Variants in PVT1 observed in about 807,000 individuals in gnomAD.
PVT1 encodes the protein Pvt1 oncogene.
chr8:127,887,831 A>G (rs979180350), intron 2 of PVT1, among the ~76,000 whole-genome samples: 3 of 151,746 alleles, frequency 2.0e-5, no homozygotes, highest in Non-Finnish European at 4.4e-5. Context: ...CTTGGCCTAG[A>G]AACACTGTCT....
intron 4 of PVT1, among the ~76,000 whole-genome samples, chr8:128,007,538 T>G (rs1020918668): frequency 1.5e-4 from 23 of 152,160 alleles, no homozygotes; most frequent in Non-Finnish European, 2.9e-5. Flanking sequence ...TGTATAGAAT[T>G]GGCCCATTTT....
chr8:127,932,576 T>C (rs901991385), intron 3 of PVT1: 1 of 398,500 alleles, frequency 2.5e-6, no homozygotes, highest in Non-Finnish European at 4.4e-6. Context: ...GAAGCATCAC[T>C]GGACTCCCAT....
chr8:127,845,461 G>A (rs565646756), intron 2 of PVT1, among the ~76,000 whole-genome samples: 1 of 152,292 alleles, frequency 6.6e-6, no homozygotes, highest in East Asian at 1.9e-4. Flanking sequence ...GTGGGGAGGA[G>A]GAGGAAGTTT....
At chr8:127,880,616 T>TC (rs1222319589) in intron 2 of PVT1, among the ~76,000 whole-genome samples, 1 of 123,392 alleles carries the variant, frequency 8.1e-6, no homozygotes, top group South Asian at 2.7e-4. Flanking sequence ...TTTTTTTTTT[T>TC]CCGAGATGGA....
intron 2 of PVT1, chr8:127,796,183 T>A (rs1221208186): frequency 6.2e-6 from 1 of 162,104 alleles, no homozygotes; most frequent in Non-Finnish European, 1.5e-5. Context: ...GCCTCATCTA[T>A]CTTGAGTGCA....
chr8:128,060,141 A>G (rs1813813023), intron 4 of PVT1, among the ~76,000 whole-genome samples: 1 of 152,134 alleles, frequency 6.6e-6, no homozygotes, highest in African/African-American at 2.4e-5. Context: ...CTGTAGTCCT[A>G]GCTGCTGGGG....
intron 3 of PVT1, among the ~76,000 whole-genome samples, chr8:127,967,650 A>G (rs770576353): frequency 2.6e-5 from 4 of 152,216 alleles, no homozygotes; most frequent in Non-Finnish European, 5.9e-5. Flanking sequence ...GCCTACTTTG[A>G]GCCATCTCCT....
At chr8:128,089,435 G>C (rs2648897) in intron 5 of PVT1, among the ~76,000 whole-genome samples, 28,484 of 152,032 alleles carry the variant, frequency 0.19, 3,183 homozygotes, top group African/African-American at 0.3. Context: ...AATAATGGTA[G>C]TAATCCCAAT....
chr8:127,909,669 G>A (rs973137828), intron 3 of PVT1, among the ~76,000 whole-genome samples: 1 of 152,148 alleles, frequency 6.6e-6, no homozygotes, highest in Non-Finnish European at 1.5e-5. Flanking sequence ...GTCATGGGAG[G>A]TTAGTGCTGT....
intron 3 of PVT1, among the ~76,000 whole-genome samples, chr8:127,923,839 G>A (rs1816093685): frequency 6.6e-6 from 1 of 152,244 alleles, no homozygotes; most frequent in Non-Finnish European, 1.5e-5. Context: ...AGATCCTGGT[G>A]TGCCGCGCTT....
chr8:127,950,025 G>A (rs188229429), intron 3 of PVT1, among the ~76,000 whole-genome samples: 25 of 152,362 alleles, frequency 1.6e-4, no homozygotes, highest in African/African-American at 5.8e-4. Flanking sequence ...CAGAGGACGG[G>A]AGTTTCCCTC....
At chr8:128,090,257 A>G (rs916734471) in intron 5 of PVT1, among the ~76,000 whole-genome samples, 2 of 152,076 alleles carry the variant, frequency 1.3e-5, no homozygotes, top group Admixed American at 6.5e-5. Flanking sequence ...GGTTTGGGTA[A>G]CTCCACGCAA....
At chr8:127,990,810 G>T (rs771868812) in intron 4 of PVT1, among the ~76,000 whole-genome samples, 1 of 152,224 alleles carries the variant, frequency 6.6e-6, no homozygotes, top group African/African-American at 2.4e-5. Flanking sequence ...TCAAGGTGGG[G>T]ATACTGGCAC....
At chr8:127,827,078 C>G (rs1010600144) in intron 2 of PVT1, among the ~76,000 whole-genome samples, 4 of 136,790 alleles carry the variant, frequency 2.9e-5, no homozygotes, top group African/African-American at 1.1e-4. Context: ...TCACCGTAAT[C>G]TCCGCCTCCT....
At chr8:127,928,033 G>C (rs2129879888) in intron 3 of PVT1, among the ~76,000 whole-genome samples, 1 of 152,290 alleles carries the variant, frequency 6.6e-6, no homozygotes, top group East Asian at 1.9e-4. Context: ...TACTGACAAA[G>C]ATTCTTTGCT....
intron 2 of PVT1, among the ~76,000 whole-genome samples, chr8:127,828,591 C>T (rs1024067526): frequency 1.3e-5 from 2 of 152,014 alleles, no homozygotes; most frequent in Non-Finnish European, 2.9e-5. Context: ...AACCTCTTCA[C>T]GGTGGTTTTG....
At chr8:127,820,143 C>T (rs1455328941) in intron 2 of PVT1, among the ~76,000 whole-genome samples, 1 of 152,114 alleles carries the variant, frequency 6.6e-6, no homozygotes. Context: ...TCCAGCACTC[C>T]CACAGACCTG....
intron 4 of PVT1, among the ~76,000 whole-genome samples, chr8:128,030,145 CCTACCAA>C (rs1813372064): frequency 3.3e-5 from 5 of 152,064 alleles, no homozygotes; most frequent in Admixed American, 3.3e-4. Context: ...ACCTTTTTAT[CCTACCAA>C]CGTATATACT....
intron 2 of PVT1, among the ~76,000 whole-genome samples, chr8:127,889,305 T>G (rs1460652766): frequency 2.0e-5 from 3 of 151,998 alleles, no homozygotes; most frequent in African/African-American, 4.8e-5. Flanking sequence ...AATTTTTGTA[T>G]TTTTAGTAGA....
Sources: allele counts gnomAD v4.1 joint callset (sites outside exome capture counted in the v4.1 genomes callset), GRCh38; gene constraint gnomAD v4.1.1; transcripts MANE v1.5; gene names NCBI Gene and HGNC (gene_info 2026-07-23, HGNC 2026-07-21).